Variants in PLA2G2C observed in about 807,000 individuals in gnomAD.
PLA2G2C encodes phospholipase A2 group IIC, also known as putative inactive group IIC secretory phospholipase A2.
In PLA2G2C, 15 loss-of-function variants were observed where a neutral mutation model predicts 14.3. That is an observed-to-expected ratio of 1.05 (90% CI 0.70 to 1.62). PLA2G2C has a LOEUF of 1.62. PLA2G2C is among the 40% of genes most tolerant of loss of function. PLA2G2C has a pLI of 0.00. For missense variants in PLA2G2C, 162 were observed against 173.2 expected (o/e 0.94, Z 0.36); for synonymous variants, 79 against 67.7 (o/e 1.17, Z -0.82).
intron 4 of PLA2G2C, among the ~76,000 whole-genome samples, chr1:20,164,581 G>A (rs1021984363): frequency 6.6e-6 from 1 of 152,200 alleles, no homozygotes; most frequent in South Asian, 2.1e-4. Context: ...GGTGCGCCCA[G>A]GCAGCACACA....
At chr1:20,182,628 A>C (rs969984681) in intron 1 of PLA2G2C, among the ~76,000 whole-genome samples, 4 of 152,262 alleles carry the variant, frequency 2.6e-5, no homozygotes, top group African/African-American at 9.6e-5. Context: ...TCCCTCTTGC[A>C]GATCCCCTTA....
At position 20,163,955 on chromosome 1, in the gene PLA2G2C, C is replaced by T. The variant is rs202122312; in HGVS notation, c.*36G>A. The stretch of plus-strand genomic sequence containing the variant: ...GCTTCCTGGAAGAGCAACACTAGAG[C>T]GGATGCTGGATGATGAGAGGGACCC... On this transcript the variant is annotated 3_prime_UTR_variant, in exon 5 of 5. Transcript: ENST00000679259. The T allele has an allele frequency of 3.0e-4, 479 of 1,590,094 alleles. 2 individuals are homozygous for T. The highest frequency in any genetic ancestry group is 1.2e-3 in the South Asian group (102 of 86,644).
At chr1:20,184,308 A>G (rs1198701614) in intron 1 of PLA2G2C, 1 of 152,206 alleles carries the variant, frequency 6.6e-6, no homozygotes, top group Non-Finnish European at 1.5e-5. Context: ...AATCCACTTT[A>G]ATCTTTTTTG....
At chr1:20,181,526 G>A (rs576445602) in intron 1 of PLA2G2C, among the ~76,000 whole-genome samples, 1 of 151,948 alleles carries the variant, frequency 6.6e-6, no homozygotes, top group Admixed American at 6.5e-5. Flanking sequence ...ATCCTTGAAA[G>A]CTCTCCTGCT....
intron 1 of PLA2G2C, among the ~76,000 whole-genome samples, chr1:20,178,287 C>G (rs530170559): frequency 6.6e-6 from 1 of 152,268 alleles, no homozygotes; most frequent in South Asian, 2.1e-4. Flanking sequence ...TTATAGCCCC[C>G]ATCATAAATC....
Position 20,177,428 on chromosome 1 carries a change from C to T in PLA2G2C, c.-65G>A. On this transcript the variant is annotated 5_prime_UTR_variant, in exon 2 of 5. Transcript: ENST00000679259. Reference sequence around the variant, plus strand: ...CCTTCACCTGTGTGTGAGGGGTCTCCCAGCTGAACCTCTGTTCCAGGACAA... The same window carrying T: ...CCTTCACCTGTGTGTGAGGGGTCTCTCAGCTGAACCTCTGTTCCAGGACAA... 1 of 612,484 alleles carries T rather than the reference C, an allele frequency of 1.6e-6. No individual in the cohort carries two copies. Among genetic ancestry groups the T allele is most frequent in the South Asian group, 1.9e-5 (1 of 53,126 alleles). The allele number at this position is 612,484 out of a possible 1,614,324, so 37.9% of individuals were successfully genotyped here.
chr1:20,183,307 G>T (rs964804261), intron 1 of PLA2G2C, among the ~76,000 whole-genome samples: 1 of 152,202 alleles, frequency 6.6e-6, no homozygotes, highest in Non-Finnish European at 1.5e-5. Context: ...TGATACTCAA[G>T]CTTTGACGTC....
In PLA2G2C at chr1:20,177,386, G is replaced by A; in HGVS notation, c.-23C>T. ...CATTCCTGAGGAGACCAGGGGGTCT[G>A]AGGTTCTACAGCCACGCCTTCACCT... is the stretch of plus-strand genomic sequence containing the variant. On this transcript the variant is annotated 5_prime_UTR_variant, in exon 2 of 5. It introduces an in-frame stop codon into an upstream open reading frame of the 5' UTR. Transcript: ENST00000679259. 1 of 689,542 alleles carries A rather than the reference G, an allele frequency of 1.5e-6. No homozygotes were observed. Among genetic ancestry groups the A allele is most frequent in the Non-Finnish European group, 2.6e-6 (1 of 379,390 alleles). 42.7% of individuals were successfully genotyped at this position (689,542 alleles called of 1,614,324 possible).
intron 1 of PLA2G2C, among the ~76,000 whole-genome samples, chr1:20,182,210 T>C (rs2018287966): frequency 6.6e-6 from 1 of 152,244 alleles, no homozygotes; most frequent in African/African-American, 2.4e-5. Context: ...TAATGACATT[T>C]TGGTCCAATG....
intron 2 of PLA2G2C, 145 bp from the exon 3 acceptor site, chr1:20,175,290 C>T (rs1176561911): frequency 8.6e-7 from 1 of 1,157,100 alleles, no homozygotes; most frequent in Non-Finnish European, 1.2e-6. Flanking sequence ...TGGCTGGAAT[C>T]ACCAGCCTCT....
Position 20,172,799 on chromosome 1 carries a change from A to C in PLA2G2C, c.278T>G (p.Val93Gly). The change falls in exon 4 of 5, where the codon GTG becomes GGG. Residue 93 changes from valine (V) to glycine (G), a missense_variant. By Grantham distance (109) the Val-to-Gly change is moderately radical (BLOSUM62 -3). Coordinates refer to ENST00000679259, the MANE Select transcript of PLA2G2C (RefSeq NM_001367969.2). ...SYQFHIVNGA[V>G]VCGCTLGPGA... is the part of the protein sequence containing the mutation. ...ATACAGAAAAGGCTACTCACAAACCACTGCGCCATTGACGATGTGGAACTG... is the reference window on the plus strand; with the variant it reads ...ATACAGAAAAGGCTACTCACAAACCCCTGCGCCATTGACGATGTGGAACTG... 1 of 1,613,428 alleles carries C rather than the reference A, an allele frequency of 6.2e-7. No homozygotes were observed. Among genetic ancestry groups the C allele is most frequent in the Non-Finnish European group, 8.5e-7 (1 of 1,179,490 alleles).
intron 1 of PLA2G2C, among the ~76,000 whole-genome samples, chr1:20,183,389 G>C (rs1230306292): frequency 6.6e-6 from 1 of 152,238 alleles, no homozygotes; most frequent in Non-Finnish European, 1.5e-5. Context: ...GGAACACGCA[G>C]GTGAGGAGCT....
chr1:20,177,750 G>A (rs1236772584), intron 1 of PLA2G2C, among the ~76,000 whole-genome samples: 1 of 151,914 alleles, frequency 6.6e-6, no homozygotes. Context: ...GAGTTGGAAA[G>A]GCACCTATGT....
At position 20,172,984 on chromosome 1, in the gene PLA2G2C, G is replaced by T. The variant is rs548154174; in HGVS notation, c.180-87C>A. 3.4e-5 allele frequency: 32 copies of T among 928,288 alleles called. 1 individual carries two copies. In the East Asian group the frequency reaches 7.3e-4, roughly 21 times the overall value. The allele number at this position is 928,288 out of a possible 1,614,324, so 57.5% of individuals were successfully genotyped here. A position where few individuals can be genotyped will look rare whatever the true frequency, so the allele number is the denominator to read the frequency against. ...CCTGCCTCCTCCTCTAGGCAAGAAG[G>T]CATTGAAGGTGAGGAGGTGAATTAT... On this transcript the variant is annotated intron_variant, in intron 3 of 4. Transcript: ENST00000679259.
At position 20,163,281 on chromosome 1, in the gene PLA2G2C, G is replaced by A. The variant is rs2017898928; in HGVS notation, c.*710C>T. ...CAGGCTAGCCCAGGCTTTTTTGCAG[G>A]GTGGGGGCAGCTGTCCTAAGAGAGA... On this transcript the variant is annotated 3_prime_UTR_variant, in exon 5 of 5. Coordinates refer to ENST00000679259, the MANE Select transcript of PLA2G2C (RefSeq NM_001367969.2). 1 of 152,216 alleles carries A rather than the reference G, an allele frequency of 6.6e-6. No homozygotes were observed. The highest frequency in any genetic ancestry group is 1.5e-5 in the Non-Finnish European group (1 of 68,094). The allele number at this position is 152,216 out of a possible 1,614,324, so 9.4% of individuals were successfully genotyped here. A position where few individuals can be genotyped will look rare whatever the true frequency, so the allele number is the denominator to read the frequency against.
chr1:20,185,478 G>C (rs1038846271), intron 1 of PLA2G2C, among the ~76,000 whole-genome samples: 22 of 152,306 alleles, frequency 1.4e-4, no homozygotes, highest in Admixed American at 5.9e-4. Flanking sequence ...CAGATACAGC[G>C]GAAGTGACTC....
chr1:20,169,697 C>T (rs1476633375), intron 4 of PLA2G2C, among the ~76,000 whole-genome samples: 1 of 152,222 alleles, frequency 6.6e-6, no homozygotes, highest in Non-Finnish European at 1.5e-5. Context: ...GTTGCTTTAG[C>T]TAATCCTTCC....
chr1:20,171,364 A>G (rs2018069966), intron 4 of PLA2G2C, among the ~76,000 whole-genome samples: 1 of 152,154 alleles, frequency 6.6e-6, no homozygotes, highest in Admixed American at 6.5e-5. Context: ...TTCCCTGTCA[A>G]CCACGTGCTG....
Position 20,164,086 on chromosome 1 carries a change from C to G in PLA2G2C, c.355G>C (p.Val119Leu), listed in dbSNP as rs995331197. 1 of 1,613,876 alleles carries G rather than the reference C, an allele frequency of 6.2e-7. No homozygotes were observed. The highest frequency in any genetic ancestry group is 1.1e-5 in the South Asian group (1 of 91,052). ...GGCAGGCTCTCTTTGAAGCAGTGCA[C>G]GGATTGCTTGTCACACTCACAGGCC... The part of the protein sequence containing the change: ...LKACECDKQS[V>L]HCFKESLPTY... Residue 119 changes from valine to leucine, a missense_variant, in exon 5 of 5, where the codon GTG (valine) becomes CTG (leucine). By Grantham distance (32) the Val-to-Leu change is conservative (BLOSUM62 1). Transcript: ENST00000679259.
Sources: allele counts gnomAD v4.1 joint callset (sites outside exome capture counted in the v4.1 genomes callset), GRCh38; gene constraint gnomAD v4.1.1; transcripts MANE v1.5; gene names NCBI Gene and HGNC (gene_info 2026-07-23, HGNC 2026-07-21).